DOCK3: variants seen among roughly 807,000 people sequenced by gnomAD.
The protein encoded by DOCK3 is dedicator of cytokinesis protein 3.
DOCK3 carries 60 observed loss-of-function variants against 265.6 expected under a neutral mutation model. That is an observed-to-expected ratio of 0.23 (90% CI 0.18 to 0.28). DOCK3 has a LOEUF of 0.28. Among genes scored for constraint, DOCK3 ranks in the 10% least tolerant of loss-of-function variants. The pLI, the probability that DOCK3 is intolerant of heterozygous loss-of-function variation, is 1.00. For synonymous variants in DOCK3, 881 were observed against 938.0 expected (o/e 0.94, Z 1.11); for missense variants, 1,981 against 2,594.3 (o/e 0.76, Z 5.14).
At chr3:51,164,940 CTTTTT>C (rs66495824) in intron 12 of DOCK3, among the ~76,000 whole-genome samples, 2 of 106,906 alleles carry the variant, frequency 1.9e-5, no homozygotes, top group African/African-American at 3.6e-5. Flanking sequence ...GTTTAGGAGC[CTTTTT>C]TTTTTTTTTT....
intron 1 of DOCK3, among the ~76,000 whole-genome samples, chr3:50,777,995 CA>C (rs2041702670): frequency 6.6e-6 from 1 of 152,058 alleles, no homozygotes; most frequent in African/African-American, 2.4e-5. Context: ...TTCCAGTTCT[CA>C]GGGGGAATGC....
intron 5 of DOCK3, among the ~76,000 whole-genome samples, chr3:50,982,117 G>A (rs761119733): frequency 6.6e-6 from 1 of 152,122 alleles, no homozygotes; most frequent in Non-Finnish European, 1.5e-5. Flanking sequence ...CCAAAGTGCT[G>A]GGATTACAGG....
At chr3:51,014,595 GT>G (rs1469834973) in intron 5 of DOCK3, among the ~76,000 whole-genome samples, 6 of 151,996 alleles carry the variant, frequency 3.9e-5, no homozygotes, top group Non-Finnish European at 5.9e-5. Context: ...GATTCCTCCA[GT>G]TTTGTTCTTT....
At chr3:50,922,582 C>A (rs1270122477) in intron 4 of DOCK3, among the ~76,000 whole-genome samples, 1 of 152,176 alleles carries the variant, frequency 6.6e-6, no homozygotes, top group Non-Finnish European at 1.5e-5. Context: ...CCCGGTACCT[C>A]AATTGGAAAT....
intron 9 of DOCK3, among the ~76,000 whole-genome samples, chr3:51,106,020 G>A (rs1216893351): frequency 1.3e-5 from 2 of 152,230 alleles, no homozygotes; most frequent in Non-Finnish European, 2.9e-5. Flanking sequence ...AGTAGTAGGG[G>A]CAGAACTCTG....
chr3:51,138,365 A>T (rs191620070), intron 9 of DOCK3, among the ~76,000 whole-genome samples: 3 of 152,348 alleles, frequency 2.0e-5, no homozygotes, highest in East Asian at 3.9e-4. Flanking sequence ...TAAATGAAAT[A>T]ATTTGTGTAT....
At chr3:51,249,191 C>A (rs9845238) in intron 22 of DOCK3, among the ~76,000 whole-genome samples, 3 of 122,440 alleles carry the variant, frequency 2.5e-5, no homozygotes, top group Admixed American at 7.7e-5. Context: ...CCCCATCCGG[C>A]AGGGAGGTGG....
chr3:51,275,212 G>A lies in DOCK3; in HGVS notation c.2676+6G>A. ...TCGTCAAGACCAGCTCTCTGGTAGT[G>A]GCCCCACACCCACTCCACCCTGTTC... is the stretch of plus-strand genomic sequence containing the variant. On this transcript the variant is annotated splice_donor_region_variant and intron_variant, in intron 25 of 52. Transcript: ENST00000266037. The A allele has an allele frequency of 6.2e-7, 1 of 1,613,736 alleles. No individual in the cohort carries two copies. The highest frequency in any genetic ancestry group is 8.5e-7 in the Non-Finnish European group (1 of 1,179,856).
intron 1 of DOCK3, among the ~76,000 whole-genome samples, chr3:50,709,971 G>T (rs2036651678): frequency 6.6e-6 from 1 of 152,090 alleles, no homozygotes; most frequent in African/African-American, 2.4e-5. Flanking sequence ...GGCTAAGGTG[G>T]GAGGATCACT....
chr3:51,014,776 A>G (rs140888086), intron 5 of DOCK3, among the ~76,000 whole-genome samples: 40 of 152,220 alleles, frequency 2.6e-4, no homozygotes, highest in Middle Eastern at 3.4e-3. Flanking sequence ...AATTCTTCCA[A>G]TCCATGGACT....
At chr3:50,832,747 G>A (rs1291768048) in intron 2 of DOCK3, among the ~76,000 whole-genome samples, 1 of 152,086 alleles carries the variant, frequency 6.6e-6, no homozygotes, top group Admixed American at 6.6e-5. Flanking sequence ...GTTAGTAGAG[G>A]GATGAAGATC....
chr3:50,900,987 G>T, intron 4 of DOCK3: 1 of 406,970 alleles, frequency 2.5e-6, no homozygotes, highest in Non-Finnish European at 4.8e-6. Flanking sequence ...CTATCCCTTA[G>T]CAGAGCTTGA....
chr3:50,824,746 A>C (rs2044658132), intron 2 of DOCK3, among the ~76,000 whole-genome samples: 1 of 152,208 alleles, frequency 6.6e-6, no homozygotes, highest in African/African-American at 2.4e-5. Flanking sequence ...TCTGCAACAT[A>C]GCTATTTTTT....
At chr3:51,260,122 A>G (rs1004205308) in intron 22 of DOCK3, 34 bp from the exon 23 acceptor site, 8 of 1,591,514 alleles carry the variant, frequency 5.0e-6, no homozygotes, top group Non-Finnish European at 6.9e-6. Flanking sequence ...CATCTTCAAC[A>G]TCTCTCCATC....
intron 23 of DOCK3, among the ~76,000 whole-genome samples, chr3:51,265,609 A>G (rs2080118557): frequency 6.6e-6 from 1 of 152,244 alleles, no homozygotes; most frequent in Non-Finnish European, 1.5e-5. Flanking sequence ...CTACTTTATT[A>G]TCTCAATAGA....
At chr3:50,686,571 C>G (rs1217974404) in intron 1 of DOCK3, among the ~76,000 whole-genome samples, 2 of 152,138 alleles carry the variant, frequency 1.3e-5, no homozygotes, top group African/African-American at 4.8e-5. Context: ...GATACGTGAT[C>G]ATGCACCAGC....
chr3:51,259,201 A>G (rs1576572866), intron 22 of DOCK3, among the ~76,000 whole-genome samples: 1 of 152,242 alleles, frequency 6.6e-6, no homozygotes, highest in African/African-American at 2.4e-5. Context: ...CCCAGTGCCA[A>G]CTGAATTTTG....
chr3:51,231,010 T>A (rs1009729298), intron 19 of DOCK3, among the ~76,000 whole-genome samples: 9 of 152,112 alleles, frequency 5.9e-5, no homozygotes, highest in African/African-American at 9.7e-5. Context: ...AAGTTTTTTT[T>A]ATAAATCTCC....
chr3:50,784,927 C>T (rs762287600), intron 2 of DOCK3, among the ~76,000 whole-genome samples: 12 of 152,112 alleles, frequency 7.9e-5, no homozygotes, highest in South Asian at 2.1e-4. Flanking sequence ...GAAGCCAAGG[C>T]GGGCAGATCA....
Sources: gnomAD v4.1 joint callset for allele counts (sites outside exome capture counted in the v4.1 genomes callset) on GRCh38, gnomAD v4.1.1 for gene constraint, MANE v1.5 for transcripts, NCBI Gene and HGNC (gene_info 2026-07-23, HGNC 2026-07-21) for gene names.